Variants in LMBR1 observed in about 807,000 individuals in gnomAD.
The protein encoded by LMBR1 is limb development membrane protein 1.
A neutral mutation model predicts 73.9 loss-of-function variants in LMBR1; 52 were observed. The observed-to-expected ratio is 0.70, with a 90% CI of 0.56 to 0.89. The LOEUF (loss-of-function observed/expected upper bound fraction) is 0.89. Ranked by LOEUF, LMBR1 falls within the 40% of genes least tolerant of loss-of-function variation. The pLI is 0.00. For missense variants in LMBR1, 539 were observed against 579.8 expected, an observed-to-expected ratio of 0.93 and a Z score of 0.72; for synonymous variants, 215 against 209.4, an observed-to-expected ratio of 1.03 and a Z score of -0.23.
At position 156,833,575 on chromosome 7, in the gene LMBR1, G is replaced by A. The variant is rs1282762682; in HGVS notation, c.179+178C>T. The A allele has an allele frequency of 1.0e-5, 3 of 296,428 alleles. No individual in the cohort carries two copies. The African/African-American group carries it at 1.1e-4, about 11-fold the overall frequency. 18.4% of individuals were successfully genotyped at this position (296,428 alleles called of 1,614,324 possible). On this transcript the variant is annotated intron_variant, in intron 3 of 16. Coordinates refer to ENST00000353442, the MANE Select transcript of LMBR1 (RefSeq NM_022458.4). Reference sequence around the variant, plus strand: ...CTCCTTAAATATGCAAATTCCAATAGGAGATTGGATTATCCACACATATTT... The same window carrying A: ...CTCCTTAAATATGCAAATTCCAATAAGAGATTGGATTATCCACACATATTT...
At chr7:156,847,863 T>C (rs1795713486) in intron 1 of LMBR1, among the ~76,000 whole-genome samples, 1 of 152,150 alleles carries the variant, frequency 6.6e-6, no homozygotes, top group Admixed American at 6.5e-5. Flanking sequence ...GGCAGTTTCT[T>C]ACAAAACTAA....
chr7:156,800,536 C>T (rs1830787584), intron 4 of LMBR1, among the ~76,000 whole-genome samples: 1 of 147,466 alleles, frequency 6.8e-6, no homozygotes, highest in African/African-American at 2.5e-5. Context: ...GACAATGCAC[C>T]TGCTGATGGA....
chr7:156,709,659 G>A (rs1411397791), intron 15 of LMBR1, among the ~76,000 whole-genome samples: 9 of 152,142 alleles, frequency 5.9e-5, no homozygotes, highest in African/African-American at 1.9e-4. Context: ...GGTGAAGGGG[G>A]AGAACACTGT....
intron 1 of LMBR1, among the ~76,000 whole-genome samples, chr7:156,889,010 C>T (rs1802429172): frequency 6.6e-6 from 1 of 151,500 alleles, no homozygotes; most frequent in Non-Finnish European, 1.5e-5. Flanking sequence ...GCCGAGATCA[C>T]GCCACTGCAC....
In LMBR1 at chr7:156,859,793, A is replaced by G. The variant is rs560140312; in HGVS notation, c.67-22908T>C. On this transcript the variant is annotated intron_variant, in intron 1 of 16. Transcript: ENST00000353442. ...GTAAATTATTTTCTGGATATCAAGA[A>G]AATAATTCTAAAATTATACTGAAAG... Among the ~76,000 whole-genome samples the G allele has an allele frequency of 1.1e-3, 175 of 152,348 alleles. 1 individual carries two copies. Among genetic ancestry groups the G allele is most frequent in the African/African-American group, 4.1e-3 (172 of 41,598 alleles).
chr7:156,848,689 T>G (rs1364046816), intron 1 of LMBR1, among the ~76,000 whole-genome samples: 1 of 152,112 alleles, frequency 6.6e-6, no homozygotes. Flanking sequence ...CCCAGCACTT[T>G]GGGAGGCCAA....
Position 156,796,435 on chromosome 7 carries a change from A to G in LMBR1, c.377T>C (p.Phe126Ser). 1 of 1,610,590 alleles carries G rather than the reference A, an allele frequency of 6.2e-7. No homozygotes were observed. Among genetic ancestry groups the G allele is most frequent in the Non-Finnish European group, 8.5e-7 (1 of 1,178,640 alleles). ...SNLCLFVLMP[F>S]AFFFLESEGF... ...TTCTGATTCCAGAAAGAAAAAGGCA[A>G]AGGGCATCAATACAAATAAACAAAG... The change falls in exon 5 of 17, where the codon TTT becomes TCT. Residue 126 changes from phenylalanine (F) to serine (S), a missense_variant. Physicochemically the swap from Phe to Ser is radical, Grantham distance 155. This residue lies in a region of LMBR1 where 454 missense variants were observed against 473.4 expected (regional missense o/e 0.96). Coordinates refer to ENST00000353442, the MANE Select transcript of LMBR1 (RefSeq NM_022458.4).
At chr7:156,676,425 C>A (rs1389511127), downstream of LMBR1, 1 of 1,613,946 alleles carries the variant, frequency 6.2e-7, no homozygotes, top group African/African-American at 1.3e-5. Context: ...GCAGGCTCTG[C>A]GCCGGGAGAC....
At position 156,698,761 on chromosome 7, in the gene LMBR1, G is replaced by C. The variant is rs370871202; in HGVS notation, c.1226-10570C>G. Among the ~76,000 whole-genome samples, 80 of 152,248 alleles carry C rather than the reference G, an allele frequency of 5.3e-4. 1 individual carries two copies. In the South Asian group the frequency reaches 0.016, roughly 30 times the overall value. ...AACCTCCCAGCCTGTGATGGGAGGGGCTGCCGTAAAGGTTTCTGACATGCC... is the reference window on the plus strand; with the variant it reads ...AACCTCCCAGCCTGTGATGGGAGGGCCTGCCGTAAAGGTTTCTGACATGCC... On this transcript the variant is annotated intron_variant, in intron 15 of 16. Coordinates refer to ENST00000353442, the MANE Select transcript of LMBR1 (RefSeq NM_022458.4).
At chr7:156,889,959 G>A (rs1802604874) in intron 1 of LMBR1, among the ~76,000 whole-genome samples, 2 of 152,038 alleles carry the variant, frequency 1.3e-5, no homozygotes, top group East Asian at 1.9e-4. Context: ...AGCCATGATT[G>A]CGCCACTGCA....
intron 9 of LMBR1, among the ~76,000 whole-genome samples, chr7:156,755,154 G>GT (rs1821619099): frequency 6.6e-6 from 1 of 152,200 alleles, no homozygotes; most frequent in Non-Finnish European, 1.5e-5. Context: ...CCAGTGAGGT[G>GT]TTTTTACTGA....
intron 1 of LMBR1, among the ~76,000 whole-genome samples, chr7:156,871,162 C>T (rs1236626815): frequency 6.6e-6 from 1 of 152,070 alleles, no homozygotes; most frequent in Non-Finnish European, 1.5e-5. Flanking sequence ...TAAAAACAGC[C>T]ATATGCCAAC....
At chr7:156,826,024 G>A (rs1025406673) in intron 4 of LMBR1, among the ~76,000 whole-genome samples, 2 of 152,186 alleles carry the variant, frequency 1.3e-5, no homozygotes, top group African/African-American at 4.8e-5. Flanking sequence ...TTCTTGCCCA[G>A]GCCAGAGGGC....
At chr7:156,845,064 C>G (rs1467707166) in intron 1 of LMBR1, among the ~76,000 whole-genome samples, 1 of 152,074 alleles carries the variant, frequency 6.6e-6, no homozygotes, top group Non-Finnish European at 1.5e-5. Flanking sequence ...GTGATGAGTA[C>G]AAAGTGGGTT....
chr7:156,730,801 G>A (rs1025192091), intron 10 of LMBR1, among the ~76,000 whole-genome samples: 4 of 152,242 alleles, frequency 2.6e-5, no homozygotes, highest in Admixed American at 2.6e-4. Flanking sequence ...GCCAGGCATG[G>A]TGGCATGCAC....
intron 1 of LMBR1, among the ~76,000 whole-genome samples, chr7:156,878,450 A>G (rs1800553563): frequency 6.6e-6 from 1 of 152,150 alleles, no homozygotes; most frequent in South Asian, 2.1e-4. Context: ...CCCCTTTTAC[A>G]ACAGCTGCAA....
At chr7:156,714,056 T>A (rs1438423295) in intron 15 of LMBR1, among the ~76,000 whole-genome samples, 1 of 152,212 alleles carries the variant, frequency 6.6e-6, no homozygotes, top group African/African-American at 2.4e-5. Context: ...CAAGACTTTT[T>A]AAACAATGCA....
At chr7:156,736,879 C>A (rs1293809843) in intron 9 of LMBR1, among the ~76,000 whole-genome samples, 1 of 152,142 alleles carries the variant, frequency 6.6e-6, no homozygotes, top group Non-Finnish European at 1.5e-5. Context: ...AAACATCCTG[C>A]CAAAGGTCTT....
chr7:156,868,417 T>G (rs191944173), intron 1 of LMBR1, among the ~76,000 whole-genome samples: 1 of 152,154 alleles, frequency 6.6e-6, no homozygotes. Flanking sequence ...GGCTCACGCC[T>G]GTTATCCCAG....
Sources: gnomAD v4.1 joint callset for allele counts (sites outside exome capture counted in the v4.1 genomes callset) on GRCh38, gnomAD v4.1.1 for gene constraint, gnomAD v4.1.1 regional missense constraint, MANE v1.5 for transcripts, NCBI Gene and HGNC (gene_info 2026-07-23, HGNC 2026-07-21) for gene names.